The following VDAC1 variants were observed in gnomAD, a reference collection of about 807,000 sequenced individuals.
VDAC1 encodes voltage dependent anion channel 1.
In VDAC1, 10 loss-of-function variants were observed where a neutral mutation model predicts 34.7. The observed-to-expected ratio is 0.29, with a 90% CI of 0.18 to 0.49. The LOEUF is 0.49. Among genes scored for constraint, VDAC1 ranks in the 20% least tolerant of loss-of-function variants. VDAC1 has a pLI of 0.99. For synonymous variants in VDAC1, 130 were observed against 136.0 expected (o/e 0.96, Z 0.30); for missense variants, 230 against 347.9 (o/e 0.66, Z 2.69).
the VDAC1 span, among the ~76,000 whole-genome samples, chr5:134,063,810 G>A: frequency 6.6e-6 from 1 of 152,038 alleles, no homozygotes; most frequent in Non-Finnish European, 1.5e-5. Context: ...AATGATTGTT[G>A]TCTAATTTTT....
At chr5:134,082,219 C>T in the VDAC1 span, among the ~76,000 whole-genome samples, 1 of 152,194 alleles carries the variant, frequency 6.6e-6, no homozygotes, top group East Asian at 1.9e-4. Flanking sequence ...TAATGCATTC[C>T]TCCTTCCTTC....
the VDAC1 span, among the ~76,000 whole-genome samples, chr5:134,083,898 G>T: frequency 6.6e-6 from 1 of 152,342 alleles, no homozygotes; most frequent in African/African-American, 2.4e-5. Context: ...GGATAAATAA[G>T]TCGAGGTGGA....
At chr5:134,103,116 A>T in the VDAC1 span, among the ~76,000 whole-genome samples, 2 of 152,056 alleles carry the variant, frequency 1.3e-5, no homozygotes, top group South Asian at 4.2e-4. Flanking sequence ...AGACGGTGTC[A>T]TTCTTTTATT....
chr5:134,084,747 T>A, the VDAC1 span, among the ~76,000 whole-genome samples: 31 of 152,250 alleles, frequency 2.0e-4, no homozygotes, highest in Non-Finnish European at 4.0e-4. Flanking sequence ...AGCATGTGAA[T>A]GGGCTTCAAA....
At chr5:134,063,995 ATT>A in the VDAC1 span, among the ~76,000 whole-genome samples, 106 of 86,516 alleles carry the variant, frequency 1.2e-3, 1 homozygote, top group South Asian at 7.3e-3. Context: ...ACCTGTACTA[ATT>A]TTTTTTTTTT....
At chr5:134,016,721 A>G in the VDAC1 span, among the ~76,000 whole-genome samples, 1 of 152,250 alleles carries the variant, frequency 6.6e-6, no homozygotes, top group African/African-American at 2.4e-5. Context: ...TAAAATGTGG[A>G]TGAGGCCAGA....
chr5:133,992,236 CAAAAATAAATAAATAAAATAAAAT>C (rs1753131585), intron 3 of VDAC1, 46 bp downstream of exon 3: 1 of 1,191,822 alleles, frequency 8.4e-7, no homozygotes, highest in Non-Finnish European at 1.1e-6. Context: ...AACTCCATCT[CAAAAATAAATAAATAAAATAAAAT>C]AAAAATAAAT....
the VDAC1 span, among the ~76,000 whole-genome samples, chr5:134,033,312 C>T: frequency 6.6e-6 from 1 of 151,778 alleles, no homozygotes; most frequent in Non-Finnish European, 1.5e-5. Flanking sequence ...CGCCCACCAG[C>T]ATGCCCGGCT....
At chr5:134,048,917 G>A in the VDAC1 span, among the ~76,000 whole-genome samples, 10 of 152,136 alleles carry the variant, frequency 6.6e-5, no homozygotes, top group Non-Finnish European at 1.5e-5. Flanking sequence ...CTGAGTGAAT[G>A]AATGAATGAA....
chr5:134,033,570 C>T, the VDAC1 span, among the ~76,000 whole-genome samples: 10 of 151,264 alleles, frequency 6.6e-5, no homozygotes, highest in Admixed American at 5.9e-4. Context: ...GGGAGCTCCA[C>T]TTTTGTATTT....
At chr5:134,074,342 AAAT>A in the VDAC1 span, among the ~76,000 whole-genome samples, 2 of 151,478 alleles carry the variant, frequency 1.3e-5, no homozygotes, top group South Asian at 4.2e-4. Flanking sequence ...ATAAATAAAT[AAAT>A]AAATAAATAA....
chr5:134,055,825 G>A, the VDAC1 span, among the ~76,000 whole-genome samples: 112,001 of 151,542 alleles, frequency 0.74, 41,723 homozygotes, highest in East Asian at 0.89. Context: ...TATCTCAATT[G>A]TTATCAGCCC....
At chr5:134,055,538 G>A in the VDAC1 span, among the ~76,000 whole-genome samples, 3 of 147,426 alleles carry the variant, frequency 2.0e-5, no homozygotes, top group East Asian at 6.1e-4. Context: ...TCCTGCCTCA[G>A]TCTCCCAAGT....
upstream of VDAC1, among the ~76,000 whole-genome samples, chr5:134,007,859 T>C (rs1029480073): frequency 1.3e-5 from 2 of 152,112 alleles, no homozygotes; most frequent in African/African-American, 2.4e-5. Context: ...CCTGTTCCAC[T>C]TCAATAACCC....
At chr5:134,027,702 C>T in the VDAC1 span, among the ~76,000 whole-genome samples, 2 of 152,064 alleles carry the variant, frequency 1.3e-5, no homozygotes, top group Admixed American at 1.3e-4. Context: ...CTTCTCCCTG[C>T]CCACCTACCA....
Position 133,991,144 on chromosome 5 carries a change from C to A in VDAC1, c.128G>T (p.Ser43Ile), listed in dbSNP as rs1266131978. 5.0e-6 allele frequency: 8 copies of A among 1,611,028 alleles called. No homozygotes were observed. The highest frequency in any genetic ancestry group is 1.3e-5 in the African/African-American group (1 of 75,030). ...GGTCTCAGTGTTGGCTGAGCCTGAG[C>A]TTGTAAATTCCTTCAAAGGAGAGAG... ...TKSENGLEFT[S>I]SGSANTETTK... Residue 43 changes from serine to isoleucine, a missense_variant, in exon 4 of 9, where the codon AGC becomes ATC. Physicochemically the swap from Ser to Ile is moderately radical, Grantham distance 142. Coordinates refer to ENST00000265333, the MANE Select transcript of VDAC1 (RefSeq NM_003374.3).
chr5:134,072,498 C>A, the VDAC1 span, among the ~76,000 whole-genome samples: 1 of 152,202 alleles, frequency 6.6e-6, no homozygotes, highest in African/African-American at 2.4e-5. Flanking sequence ...TCCTCTTTCT[C>A]ATGATCAAGG....
the VDAC1 span, among the ~76,000 whole-genome samples, chr5:134,070,986 C>A: frequency 6.6e-6 from 1 of 152,206 alleles, no homozygotes; most frequent in Non-Finnish European, 1.5e-5. Context: ...CGTCACCATC[C>A]CCAGCCGCTT....
the VDAC1 span, among the ~76,000 whole-genome samples, chr5:134,099,069 TAGAG>T: frequency 6.6e-6 from 1 of 152,124 alleles, no homozygotes; most frequent in Non-Finnish European, 1.5e-5. Context: ...CGGAGACTCA[TAGAG>T]AGACACTGTA....
Sources: gnomAD v4.1 joint callset for allele counts (sites outside exome capture counted in the v4.1 genomes callset) on GRCh38, gnomAD v4.1.1 for gene constraint, MANE v1.5 for transcripts, NCBI Gene and HGNC (gene_info 2026-07-23, HGNC 2026-07-21) for gene names.